ANKRD26: variants seen among roughly 807,000 people sequenced by gnomAD.
ANKRD26 encodes the protein ankyrin repeat domain-containing protein 26.
ANKRD26 carries 141 observed loss-of-function variants against 208.7 expected under a neutral mutation model. The ratio of observed to expected loss-of-function variants is 0.68; its 90% CI spans 0.59 to 0.78. ANKRD26 has a LOEUF of 0.78. ANKRD26 is among the 30% of genes least tolerant of loss of function. The pLI, the probability that ANKRD26 is intolerant of heterozygous loss-of-function variation, is 0.00. For missense variants in ANKRD26, 1,889 were observed against 1,938.7 expected, an observed-to-expected ratio of 0.97 and a Z score of 0.48; for synonymous variants, 636 against 660.4, an observed-to-expected ratio of 0.96 and a Z score of 0.57.
intron 4 of ANKRD26, among the ~76,000 whole-genome samples, chr10:26,981,748 T>A (rs1314657656): frequency 6.6e-6 from 1 of 152,216 alleles, no homozygotes; most frequent in Non-Finnish European, 1.5e-5. Context: ...GAGTTTTCCT[T>A]TGAATTTAAC....
chr10:26,969,153 A>G (rs1376641862), downstream of ANKRD26, among the ~76,000 whole-genome samples: 2 of 152,148 alleles, frequency 1.3e-5, no homozygotes, highest in African/African-American at 2.4e-5. Context: ...CTGATCCACT[A>G]GGGTCAATGA....
the ANKRD26 span, among the ~76,000 whole-genome samples, chr10:26,956,156 G>A: frequency 6.6e-6 from 1 of 152,150 alleles, no homozygotes; most frequent in African/African-American, 2.4e-5. Flanking sequence ...GAGTTAAATT[G>A]TTATCTTACA....
At chr10:27,071,780 T>G (rs1564412900) in intron 9 of ANKRD26, among the ~76,000 whole-genome samples, 1 of 152,096 alleles carries the variant, frequency 6.6e-6, no homozygotes, top group African/African-American at 2.4e-5. Context: ...ACACTTCCAC[T>G]GGGAAGCCCG....
intron 10 of ANKRD26, among the ~76,000 whole-genome samples, chr10:27,066,831 A>G (rs1460727864): frequency 6.6e-6 from 1 of 151,364 alleles, no homozygotes; most frequent in African/African-American, 2.4e-5. Context: ...TTTTTGAGAC[A>G]GAGTCTTGCT....
Position 27,029,442 on chromosome 10 carries a change from G to A in ANKRD26, c.3808-86C>T, listed in dbSNP as rs1963735. The A allele has an allele frequency of 0.34, 431,740 of 1,258,976 alleles. 76,807 individuals are homozygous for A. The highest frequency in any genetic ancestry group is 0.41 in the East Asian group (16,516 of 40,518). 78.0% of individuals were successfully genotyped at this position (1,258,976 alleles called of 1,614,324 possible). On this transcript the variant is annotated intron_variant, in intron 25 of 33. Coordinates refer to ENST00000376087, the MANE Select transcript of ANKRD26 (RefSeq NM_014915.3). The stretch of plus-strand genomic sequence containing the variant: ...CCTGTTTTTGTAACTAAACCTTATC[G>A]GAACACAGTCATACCCCTTCAATAT...
At chr10:26,964,640 T>G in the ANKRD26 span, among the ~76,000 whole-genome samples, 1 of 152,160 alleles carries the variant, frequency 6.6e-6, no homozygotes, top group Non-Finnish European at 1.5e-5. Context: ...AGGGTCCCCT[T>G]CTCATGGAAT....
At chr10:26,973,950 C>T (rs756517538) in exon 6 of ANKRD26, among the ~76,000 whole-genome samples, 1 of 152,002 alleles carries the variant, frequency 6.6e-6, no homozygotes, top group Non-Finnish European at 1.5e-5. Context: ...AGCCACTGTG[C>T]CTGGCTTTGT....
At chr10:27,061,682 T>C (rs1048753810) in intron 12 of ANKRD26, among the ~76,000 whole-genome samples, 4 of 151,348 alleles carry the variant, frequency 2.6e-5, no homozygotes, top group Non-Finnish European at 5.9e-5. Context: ...TCCTCCTGCC[T>C]TAGCCTCCTG....
intron 15 of ANKRD26, among the ~76,000 whole-genome samples, chr10:27,059,241 C>T (rs777979161): frequency 4.0e-5 from 6 of 151,834 alleles, no homozygotes; most frequent in African/African-American, 9.7e-5. Context: ...ATTGTTTATC[C>T]GAATGAAGAG....
At chr10:27,087,455 A>G (rs1341757155) in intron 4 of ANKRD26, among the ~76,000 whole-genome samples, 1 of 152,246 alleles carries the variant, frequency 6.6e-6, no homozygotes, top group African/African-American at 2.4e-5. Flanking sequence ...AAAGGTTCTA[A>G]TATTCAAATG....
intron 4 of ANKRD26, among the ~76,000 whole-genome samples, 180 bp downstream of exon 4, chr10:27,092,226 A>C (rs1422286779): frequency 2.0e-5 from 3 of 152,064 alleles, no homozygotes; most frequent in African/African-American, 7.3e-5. Context: ...CTATATCCCC[A>C]TAATTATGTT....
At position 27,100,123 on chromosome 10, in the gene ANKRD26, G is replaced by C. The variant is rs751933119; in HGVS notation, c.204C>G (p.Leu68=). 2.9e-5 allele frequency: 47 copies of C among 1,613,998 alleles called. No individual in the cohort carries two copies. The highest frequency in any genetic ancestry group is 3.6e-5 in the Non-Finnish European group (43 of 1,180,000). The change falls in exon 1 of 34, where the codon CTC becomes CTG. Residue 68 remains leucine, a synonymous_variant. Transcript: ENST00000376087. The part of the protein sequence containing the change: ...NVAKVQQILL[L]RKNGLNDRDK... ...CTCTATCGTTCAAGCCATTCTTCCT[G>C]AGCAAAAGGATCTGCTGCACTTTCG...
intron 3 of ANKRD26, among the ~76,000 whole-genome samples, chr10:26,983,391 G>T (rs2052337678): frequency 6.6e-6 from 1 of 152,144 alleles, no homozygotes; most frequent in Non-Finnish European, 1.5e-5. Context: ...GTTAACTGAG[G>T]CCATAAATTA....
At chr10:27,036,877 TGTTAGTAGCA>T (rs1283265246) in intron 23 of ANKRD26, among the ~76,000 whole-genome samples, 1 of 152,134 alleles carries the variant, frequency 6.6e-6, no homozygotes, top group African/African-American at 2.4e-5. Flanking sequence ...AAGCATCTAT[TGTTAGTAGCA>T]AGGGTTTTGA....
Position 27,005,158 on chromosome 10 carries a change from A to C in ANKRD26, c.*432T>G. ...TAAATCAGTGCTTAAAATTAAAATT[A>C]TGTAAATTTGATGGCACTGTAACAA... On this transcript the variant is annotated 3_prime_UTR_variant, in exon 34 of 34. Transcript: ENST00000376087. 4 of 986,558 alleles carry C rather than the reference A, an allele frequency of 4.1e-6. No homozygotes were observed. The highest frequency in any genetic ancestry group is 4.8e-6 in the Non-Finnish European group (4 of 830,716). The allele number at this position is 986,558 out of a possible 1,614,324, so 61.1% of individuals were successfully genotyped here.
intron 6 of ANKRD26, among the ~76,000 whole-genome samples, chr10:27,081,206 G>A (rs2055894450): frequency 6.6e-6 from 1 of 152,108 alleles, no homozygotes; most frequent in Non-Finnish European, 1.5e-5. Flanking sequence ...ATTTTAATAT[G>A]CCTTTCTAGA....
At chr10:26,947,602 A>G in the ANKRD26 span, among the ~76,000 whole-genome samples, 3 of 152,224 alleles carry the variant, frequency 2.0e-5, no homozygotes, top group Non-Finnish European at 2.9e-5. Context: ...TCTTTGATTT[A>G]TTGTTGAAAG....
At position 27,064,118 on chromosome 10, in the gene ANKRD26, A is replaced by C. The variant is rs143957010; in HGVS notation, c.1270-37T>G. 301 of 1,408,262 alleles carry C rather than the reference A, an allele frequency of 2.1e-4. 3 individuals carry two copies. In the African/African-American group the frequency reaches 3.7e-3, roughly 17 times the overall value. The allele number at this position is 1,408,262 out of a possible 1,614,324, so 87.2% of individuals were successfully genotyped here. On this transcript the variant is annotated intron_variant, in intron 11 of 33. Transcript: ENST00000376087. The stretch of plus-strand genomic sequence containing the variant: ...AGTATCAATAATGAGTTTCAATTTT[A>C]CAAAAAGAATGAATTGCTAAAGATT...
the ANKRD26 span, among the ~76,000 whole-genome samples, chr10:26,960,492 C>T: frequency 6.6e-6 from 1 of 152,184 alleles, no homozygotes; most frequent in Non-Finnish European, 1.5e-5. Context: ...CACCCGACAC[C>T]CAGTCCATAT....
Sources: allele counts gnomAD v4.1 joint callset (sites outside exome capture counted in the v4.1 genomes callset), GRCh38; gene constraint gnomAD v4.1.1; transcripts MANE v1.5; gene names NCBI Gene and HGNC (gene_info 2026-07-23, HGNC 2026-07-21).